The following FAM120A variants were observed in gnomAD, a reference collection of about 807,000 sequenced individuals.
FAM120A encodes the protein family with sequence similarity 120 member A.
FAM120A carries 15 observed loss-of-function variants against 109.7 expected under a neutral mutation model. The observed-to-expected ratio is 0.14, with a 90% confidence interval of 0.09 to 0.21. The LOEUF is 0.21. Among genes scored for constraint, FAM120A ranks in the 10% least tolerant of loss-of-function variants. FAM120A has a pLI of 1.00. For synonymous variants in FAM120A, 493 were observed against 572.8 expected (o/e 0.86, Z 1.99); for missense variants, 899 against 1,439.3 (o/e 0.62, Z 6.07).
At chr9:93,562,448 C>A (rs1862500053) in intron 17 of FAM120A, 144 bp downstream of exon 17, 1 of 626,676 alleles carries the variant, frequency 1.6e-6, no homozygotes, top group East Asian at 2.9e-5. Context: ...CAGTAACTGG[C>A]ACACAGCTGC....
intron 17 of FAM120A, among the ~76,000 whole-genome samples, chr9:93,563,015 A>G (rs1396535845): frequency 1.3e-5 from 2 of 152,184 alleles, no homozygotes; most frequent in African/African-American, 4.8e-5. Flanking sequence ...GTTCAAAGAA[A>G]ATGACGATTG....
intron 9 of FAM120A, chr9:93,529,809 T>G: frequency 1.7e-6 from 1 of 598,076 alleles, no homozygotes; most frequent in Non-Finnish European, 3.0e-6. Flanking sequence ...CAACTTAGTA[T>G]AGAATATTTT....
chr9:93,537,505 T>C (rs1861557240), intron 10 of FAM120A, among the ~76,000 whole-genome samples: 1 of 152,128 alleles, frequency 6.6e-6, no homozygotes, highest in African/African-American at 2.4e-5. Flanking sequence ...CAAAATTAAG[T>C]AAATAAGAGA....
Position 93,549,935 on chromosome 9 carries a change from G to A in FAM120A, c.2160-642G>A, listed in dbSNP as rs1007433603. Among the ~76,000 whole-genome samples, 4 of 152,356 alleles carry A rather than the reference G, an allele frequency of 2.6e-5. No homozygotes were observed. The East Asian group carries it at 7.7e-4, about 29-fold the overall frequency. ...GGCAGTGCTGTTACTGAGAAGGGAA[G>A]GAGACTCCCAGGCAGACCTGTTCTA... On this transcript the variant is annotated intron_variant, in intron 11 of 17. Coordinates refer to ENST00000277165, the MANE Select transcript of FAM120A (RefSeq NM_014612.5).
chr9:93,527,019 G>C (rs1861113429), intron 7 of FAM120A, 136 bp from the exon 8 acceptor site: 1 of 664,196 alleles, frequency 1.5e-6, no homozygotes, highest in Non-Finnish European at 2.6e-6. Context: ...TAGTATAATA[G>C]AGTTATTTCT....
At chr9:93,549,758 T>C (rs1207154959) in intron 11 of FAM120A, among the ~76,000 whole-genome samples, 3 of 152,232 alleles carry the variant, frequency 2.0e-5, no homozygotes, top group Non-Finnish European at 4.4e-5. Context: ...TTGATTAGGT[T>C]GTCCTTCAAG....
At chr9:93,471,536 C>T (rs1858314896) in intron 2 of FAM120A, 149 bp downstream of exon 2, 1 of 999,592 alleles carries the variant, frequency 1.0e-6, no homozygotes, top group Admixed American at 2.5e-5. Flanking sequence ...GCATTCCTTG[C>T]TTCGTATTAT....
At chr9:93,506,829 C>T (rs1860082980) in intron 5 of FAM120A, among the ~76,000 whole-genome samples, 1 of 152,012 alleles carries the variant, frequency 6.6e-6, no homozygotes, top group South Asian at 2.1e-4. Context: ...AACTCCTGAC[C>T]TCATGATCTG....
At chr9:93,527,294 C>G (rs765625977) in intron 8 of FAM120A, 52 bp downstream of exon 8, 1 of 1,281,020 alleles carries the variant, frequency 7.8e-7, no homozygotes, top group East Asian at 2.3e-5. Context: ...TTTGTATTAG[C>G]ACACTGTATT....
chr9:93,547,815 T>A (rs932113354), intron 11 of FAM120A, among the ~76,000 whole-genome samples: 9 of 152,240 alleles, frequency 5.9e-5, no homozygotes, highest in Admixed American at 5.9e-4. Flanking sequence ...CAGCCGCTCT[T>A]ATCTTGACTC....
intron 3 of FAM120A, 42 bp downstream of exon 3, chr9:93,476,380 A>C: frequency 7.6e-7 from 1 of 1,317,128 alleles, no homozygotes. Flanking sequence ...GTAATAATCA[A>C]CTGTGAGTTT....
chr9:93,530,343 A>C (rs1473314788), intron 9 of FAM120A: 1 of 152,340 alleles, frequency 6.6e-6, no homozygotes, highest in Non-Finnish European at 1.5e-5. Context: ...TTAATCCTGC[A>C]GAACTGGTTT....
chr9:93,505,051 G>GTTTTTTTTTT (rs768552939), intron 5 of FAM120A, among the ~76,000 whole-genome samples: 1 of 81,320 alleles, frequency 1.2e-5, no homozygotes, highest in Non-Finnish European at 2.2e-5. Flanking sequence ...GTTCGCTTGT[G>GTTTTTTTTTT]TTTTTTTTTT....
At chr9:93,550,979 A>G (rs957253909) in intron 12 of FAM120A, among the ~76,000 whole-genome samples, 4 of 152,178 alleles carry the variant, frequency 2.6e-5, no homozygotes, top group African/African-American at 7.2e-5. Context: ...TATTTATCAC[A>G]TCATGAAATA....
chr9:93,477,197 A>C (rs1465640395), intron 3 of FAM120A, among the ~76,000 whole-genome samples: 1 of 152,160 alleles, frequency 6.6e-6, no homozygotes. Flanking sequence ...CTCCCTCCAT[A>C]AACAATTTTA....
chr9:93,505,330 G>C (rs1859999007), intron 5 of FAM120A, among the ~76,000 whole-genome samples: 1 of 152,010 alleles, frequency 6.6e-6, no homozygotes. Context: ...GAAATGCTGG[G>C]ATTACAGGCG....
At chr9:93,468,505 T>C (rs1246812441) in intron 1 of FAM120A, among the ~76,000 whole-genome samples, 4 of 152,200 alleles carry the variant, frequency 2.6e-5, no homozygotes, top group African/African-American at 4.8e-5. Flanking sequence ...AGCTTTTCAT[T>C]AGGTTTTTTT....
chr9:93,482,346 A>G (rs940646508), intron 3 of FAM120A, among the ~76,000 whole-genome samples: 16 of 151,858 alleles, frequency 1.1e-4, no homozygotes, highest in African/African-American at 3.9e-4. Flanking sequence ...CGCTGTTGCC[A>G]CATCCAGCTA....
At chr9:93,530,508 A>G (rs1450084829) in intron 9 of FAM120A, 2 of 152,364 alleles carry the variant, frequency 1.3e-5, no homozygotes, top group Middle Eastern at 3.4e-3. Flanking sequence ...GTGGACTTCA[A>G]CTGTTAACTG....
Sources: allele counts gnomAD v4.1 joint callset (sites outside exome capture counted in the v4.1 genomes callset), GRCh38; gene constraint gnomAD v4.1.1; transcripts MANE v1.5; gene names NCBI Gene and HGNC (gene_info 2026-07-23, HGNC 2026-07-21).